RAD52: variants seen among roughly 807,000 people sequenced by gnomAD.
The protein encoded by RAD52 is RAD52 DNA repair protein.
Under a neutral mutation model 55.5 loss-of-function variants are expected in RAD52, and 47 were observed. That is an observed-to-expected ratio of 0.85 (90% CI 0.67 to 1.08). The LOEUF (loss-of-function observed/expected upper bound fraction) is 1.08, where lower values mean the gene tolerates loss of function less well. Among genes scored for constraint, RAD52 ranks in the 50% least tolerant of loss-of-function variants. The pLI is 0.00. For missense variants in RAD52, 468 were observed against 522.8 expected (o/e 0.90, Z 1.02); for synonymous variants, 184 against 198.9 (o/e 0.92, Z 0.63).
At chr12:987,927 C>T (rs1959106958) in intron 1 of RAD52, among the ~76,000 whole-genome samples, 1 of 152,150 alleles carries the variant, frequency 6.6e-6, no homozygotes, top group Non-Finnish European at 1.5e-5. Flanking sequence ...GGTGCAGCTT[C>T]CTAAAGTGTT....
chr12:922,428 C>A (rs1179485803), intron 7 of RAD52, among the ~76,000 whole-genome samples: 1 of 152,092 alleles, frequency 6.6e-6, no homozygotes, highest in Non-Finnish European at 1.5e-5. Context: ...TACACACCCT[C>A]GTTCATAGCA....
At chr12:957,530 A>C (rs908211768) in intron 1 of RAD52, among the ~76,000 whole-genome samples, 3 of 151,378 alleles carry the variant, frequency 2.0e-5, no homozygotes, top group Non-Finnish European at 2.9e-5. Context: ...TCATGCCTGT[A>C]ATCTCAGCAG....
chr12:930,980 A>AAT (rs1957297803), intron 3 of RAD52, among the ~76,000 whole-genome samples: 1 of 151,552 alleles, frequency 6.6e-6, no homozygotes, highest in Non-Finnish European at 1.5e-5. Context: ...TTAAAAATAA[A>AAT]AAAAAAAAAA....
Position 916,464 on chromosome 12 carries a change from C to T in RAD52, c.745G>A (p.Val249Met), listed in dbSNP as rs201541902. ...CSSRSLSSSA[V>M]ESEATHQRKL... ...CGCTGGTGCGTGGCCTCGCTCTCCA[C>T]GGCGGATGAGCTCAGGCTTCTGCAT... Residue 249 changes from valine (V) to methionine (M), a missense_variant, in exon 9 of 12, where the codon GTG becomes ATG. Physicochemically the swap from Val to Met is conservative, Grantham distance 21 (BLOSUM62 1). Transcript: ENST00000358495. The T allele has an allele frequency of 1.6e-5, 25 of 1,607,480 alleles. No homozygotes were observed. In the African/African-American group the frequency reaches 2.5e-4, roughly 16 times the overall value.
intron 1 of RAD52, among the ~76,000 whole-genome samples, chr12:968,904 A>G (rs1254369149): frequency 1.3e-5 from 2 of 152,074 alleles, no homozygotes; most frequent in Non-Finnish European, 2.9e-5. Context: ...AGAATTGGTG[A>G]GTATACACAC....
chr12:982,847 T>C (rs1205069241), intron 1 of RAD52, among the ~76,000 whole-genome samples: 1 of 135,776 alleles, frequency 7.4e-6, no homozygotes, highest in Non-Finnish European at 1.5e-5. Flanking sequence ...CCACGATGCC[T>C]GCTAATTTTT....
chr12:914,631 T>C lies in RAD52; in HGVS notation c.866-99A>G, dbSNP rs988055922. The C allele has an allele frequency of 3.9e-5, 56 of 1,439,844 alleles. No individual in the cohort carries two copies. The African/African-American group carries it at 7.8e-4, about 20-fold the overall frequency. The allele number at this position is 1,439,844 out of a possible 1,614,324, so 89.2% of individuals were successfully genotyped here. Reference sequence around the variant, plus strand: ...TCCCCTCTTGTTAGAGGGAACACTCTCCGAAGCACAACACCGCTTAGGGCT... The same window carrying C: ...TCCCCTCTTGTTAGAGGGAACACTCCCCGAAGCACAACACCGCTTAGGGCT... On this transcript the variant is annotated intron_variant, in intron 9 of 11. Coordinates refer to ENST00000358495, the MANE Select transcript of RAD52 (RefSeq NM_134424.4).
chr12:984,924 C>G (rs2154122108), intron 1 of RAD52, among the ~76,000 whole-genome samples: 1 of 152,254 alleles, frequency 6.6e-6, no homozygotes, highest in South Asian at 2.1e-4. Context: ...CTCAGTCTCC[C>G]AAAGTGCTGG....
chr12:973,320 G>T (rs2107646), intron 1 of RAD52, among the ~76,000 whole-genome samples: 130,449 of 152,076 alleles, frequency 0.86, 56,823 homozygotes, highest in East Asian at 1. Context: ...CCACCCTCCT[G>T]GGCCTCCCAA....
At chr12:988,390 G>C (rs966692780) in intron 1 of RAD52, among the ~76,000 whole-genome samples, 3 of 152,066 alleles carry the variant, frequency 2.0e-5, no homozygotes, top group African/African-American at 7.2e-5. Flanking sequence ...GTCCATGTTG[G>C]AGACTTTTCT....
At chr12:985,806 C>T (rs984901873) in intron 1 of RAD52, among the ~76,000 whole-genome samples, 1 of 151,830 alleles carries the variant, frequency 6.6e-6, no homozygotes, top group Non-Finnish European at 1.5e-5. Flanking sequence ...CCACGCCCAA[C>T]TAATTTTTGT....
rs1957417828 is a variant in RAD52, at chr12:932,969, A to G, written c.84+6T>C. On this transcript the variant is annotated splice_donor_region_variant and intron_variant, in intron 2 of 11. Transcript: ENST00000358495. ...TTCTTTCCCGGCATGAAGGAACCACAGTTACCTGTCCAAAGCATAACACTG... is the reference window on the plus strand; with the variant it reads ...TTCTTTCCCGGCATGAAGGAACCACGGTTACCTGTCCAAAGCATAACACTG... 1.9e-6 allele frequency: 3 copies of G among 1,613,704 alleles called. No homozygotes were observed. Among genetic ancestry groups the G allele is most frequent in the Non-Finnish European group, 2.5e-6 (3 of 1,179,844 alleles).
chr12:915,913 C>T (rs1173409826), intron 9 of RAD52, among the ~76,000 whole-genome samples: 1 of 152,146 alleles, frequency 6.6e-6, no homozygotes, highest in Non-Finnish European at 1.5e-5. Context: ...GACGGGGTTT[C>T]GCCATGATGG....
At position 913,515 on chromosome 12, in the gene RAD52, G is replaced by T. The variant is rs1956203807; in HGVS notation, c.1196-63C>A. 7 of 1,154,004 alleles carry T rather than the reference G, an allele frequency of 6.1e-6. No homozygotes were observed. The South Asian group carries it at 6.4e-5, about 10-fold the overall frequency. The allele number at this position is 1,154,004 out of a possible 1,614,324, so 71.5% of individuals were successfully genotyped here. ...ATTTTAAAATAAACTGACAGCTAAT[G>T]ATTTCTGGATTATATTAATGATCCT... On this transcript the variant is annotated intron_variant, in intron 11 of 11. Coordinates refer to ENST00000358495, the MANE Select transcript of RAD52 (RefSeq NM_134424.4).
chr12:919,170 A>ACC (rs1956570912), intron 7 of RAD52, among the ~76,000 whole-genome samples: 2 of 152,126 alleles, frequency 1.3e-5, no homozygotes, highest in Non-Finnish European at 2.9e-5. Flanking sequence ...CTCACTTAGG[A>ACC]AATGGTGGCT....
At chr12:963,610 T>C (rs1051932426) in intron 1 of RAD52, among the ~76,000 whole-genome samples, 71 of 152,278 alleles carry the variant, frequency 4.7e-4, no homozygotes, top group African/African-American at 1.6e-3. Flanking sequence ...TACATGTCTT[T>C]ATATTTTCTA....
chr12:911,767 G>GTACTT lies in RAD52; in HGVS notation c.*1619_*1623dup, dbSNP rs1168420366. Among the ~76,000 whole-genome samples the GTACTT allele has an allele frequency of 2.6e-5, 4 of 152,146 alleles. No individual in the cohort carries two copies. The highest frequency in any genetic ancestry group is 9.7e-5 in the African/African-American group (4 of 41,426). ...GCAATGGCTCATGCCTATAATTCTA[G>GTACTT]TACTTTTTACTTTGGGAGGCCGAGG... On this transcript the variant is annotated 3_prime_UTR_variant, in exon 12 of 12. Transcript: ENST00000358495.
chr12:990,966 T>TGC (rs1402759543), upstream of RAD52: 1 of 151,504 alleles, frequency 6.6e-6, no homozygotes, highest in Non-Finnish European at 1.5e-5. Flanking sequence ...TGTGTGTGTG[T>TGC]GCAGGGACGC....
chr12:951,133 C>G (rs1958517909), upstream of RAD52, among the ~76,000 whole-genome samples: 1 of 151,970 alleles, frequency 6.6e-6, no homozygotes, highest in African/African-American at 2.4e-5. Context: ...GAGTCAGGGT[C>G]TCAAGCTATC....
Sources: gnomAD v4.1 joint callset for allele counts (sites outside exome capture counted in the v4.1 genomes callset) on GRCh38, gnomAD v4.1.1 for gene constraint, MANE v1.5 for transcripts, NCBI Gene and HGNC (gene_info 2026-07-23, HGNC 2026-07-21) for gene names.